Variants in SLC10A7 observed in about 807,000 individuals in gnomAD.
SLC10A7 encodes solute carrier family 10 member 7.
Under a neutral mutation model 43.2 loss-of-function variants are expected in SLC10A7, and 29 were observed. That is an observed-to-expected ratio of 0.67 (90% CI 0.50 to 0.92). SLC10A7 has a LOEUF of 0.92. Ranked by LOEUF, SLC10A7 falls within the 40% of genes least tolerant of loss-of-function variation. The pLI is 0.00. For missense variants in SLC10A7, 295 were observed against 403.2 expected (o/e 0.73, Z 2.30); for synonymous variants, 152 against 144.8 (o/e 1.05, Z -0.35).
chr4:146,448,950 C>A (rs1731343866), intron 4 of SLC10A7, among the ~76,000 whole-genome samples: 1 of 152,178 alleles, frequency 6.6e-6, no homozygotes, highest in African/African-American at 2.4e-5. Context: ...TCCTTCTCTA[C>A]AGGAGAAAGC....
At chr4:146,470,375 C>CATATATATGTACATAT (rs1560940091) in intron 4 of SLC10A7, among the ~76,000 whole-genome samples, 2 of 150,950 alleles carry the variant, frequency 1.3e-5, no homozygotes, top group African/African-American at 4.9e-5. Flanking sequence ...AATGTACATA[C>CATATATATGTACATAT]GTATATATAC....
chr4:146,323,434 T>C (rs2149704019), intron 6 of SLC10A7, among the ~76,000 whole-genome samples: 1 of 152,324 alleles, frequency 6.6e-6, no homozygotes, highest in East Asian at 1.9e-4. Flanking sequence ...CAGTTTCAGC[T>C]TTCTACATAT....
intron 4 of SLC10A7, among the ~76,000 whole-genome samples, chr4:146,481,041 C>T (rs1165430818): frequency 2.6e-5 from 4 of 152,060 alleles, no homozygotes; most frequent in Non-Finnish European, 4.4e-5. Flanking sequence ...GAGGTGACAC[C>T]GCATCCTGCC....
intron 6 of SLC10A7, among the ~76,000 whole-genome samples, chr4:146,320,325 T>C (rs191937009): frequency 1.3e-5 from 2 of 152,040 alleles, no homozygotes; most frequent in East Asian, 3.9e-4. Flanking sequence ...GTTGATGGTG[T>C]ATGTAACAAA....
intron 5 of SLC10A7, among the ~76,000 whole-genome samples, chr4:146,418,422 T>C (rs1430867318): frequency 1.3e-5 from 2 of 152,058 alleles, no homozygotes; most frequent in Admixed American, 6.6e-5. Flanking sequence ...ATACATATAA[T>C]CCAAATTAGC....
chr4:146,373,933 C>T (rs188760964), intron 5 of SLC10A7, among the ~76,000 whole-genome samples: 24 of 152,154 alleles, frequency 1.6e-4, no homozygotes, highest in Admixed American at 7.9e-4. Flanking sequence ...TGGATAAATT[C>T]GACAGATATT....
At position 146,278,445 on chromosome 4, in the gene SLC10A7, C is replaced by T. The variant is rs17021342; in HGVS notation, c.847+4747G>A. Among the ~76,000 whole-genome samples, 824 of 152,102 alleles carry T rather than the reference C, an allele frequency of 5.4e-3. 7 individuals are homozygous for T. The highest frequency in any genetic ancestry group is 0.019 in the African/African-American group (793 of 41,478). ...AAATGTTATTAAATGAGATTTTTAGCCGAAGTTGTAGGTAATTCTTTAACA... is the reference window on the plus strand; with the variant it reads ...AAATGTTATTAAATGAGATTTTTAGTCGAAGTTGTAGGTAATTCTTTAACA... On this transcript the variant is annotated intron_variant, in intron 10 of 11. Coordinates refer to ENST00000335472, the MANE Select transcript of SLC10A7 (RefSeq NM_001029998.6).
chr4:146,374,324 C>T (rs1283063685), intron 5 of SLC10A7, among the ~76,000 whole-genome samples: 18 of 152,064 alleles, frequency 1.2e-4, no homozygotes, highest in Non-Finnish European at 2.5e-4. Flanking sequence ...TGCGGTGGCT[C>T]ATGTCTGTAA....
At chr4:146,410,112 T>A (rs568498125) in intron 5 of SLC10A7, among the ~76,000 whole-genome samples, 5 of 152,234 alleles carry the variant, frequency 3.3e-5, no homozygotes, top group African/African-American at 9.6e-5. Context: ...GTTAGAAAGG[T>A]AAGGTAGTAT....
intron 7 of SLC10A7, among the ~76,000 whole-genome samples, chr4:146,297,457 T>C (rs1730860704): frequency 1.3e-5 from 2 of 152,170 alleles, no homozygotes. Flanking sequence ...GAGATAGATA[T>C]AAAGTATAAC....
intron 6 of SLC10A7, among the ~76,000 whole-genome samples, chr4:146,322,005 C>A (rs189463866): frequency 6.6e-6 from 1 of 152,230 alleles, no homozygotes; most frequent in East Asian, 1.9e-4. Flanking sequence ...CCCGTTGACT[C>A]AGAAGGGAAG....
intron 9 of SLC10A7, among the ~76,000 whole-genome samples, chr4:146,292,568 G>A (rs1049534526): frequency 2.0e-5 from 3 of 152,188 alleles, no homozygotes; most frequent in African/African-American, 7.2e-5. Flanking sequence ...GTCTTGTTAA[G>A]ACAGTCAAGT....
intron 5 of SLC10A7, among the ~76,000 whole-genome samples, chr4:146,366,943 C>T (rs535163197): frequency 6.6e-6 from 1 of 152,076 alleles, no homozygotes; most frequent in Admixed American, 6.5e-5. Flanking sequence ...GGCAAAGAAA[C>T]TTCTATTCCA....
intron 4 of SLC10A7, among the ~76,000 whole-genome samples, chr4:146,494,448 T>A (rs1735719682): frequency 6.6e-6 from 1 of 151,920 alleles, no homozygotes. Context: ...AAGATGGGGG[T>A]CATATGGCTT....
At chr4:146,278,147 T>C (rs72948700) in intron 10 of SLC10A7, among the ~76,000 whole-genome samples, 165 of 152,304 alleles carry the variant, frequency 1.1e-3, no homozygotes, top group African/African-American at 3.8e-3. Context: ...GTTTCTGAGA[T>C]ATGATCTGGG....
Position 146,420,340 on chromosome 4 carries a change from C to T in SLC10A7, c.435+22443G>A, listed in dbSNP as rs187750094. 4.0e-3 allele frequency among the ~76,000 whole-genome samples: 612 copies of T among 152,290 alleles called. 3 individuals are homozygous for T. The highest frequency in any genetic ancestry group is 0.014 in the African/African-American group (562 of 41,566). On this transcript the variant is annotated intron_variant, in intron 5 of 11. Transcript: ENST00000335472. ...ATCTTAAGATCTTTGAGTCCCCAGT[C>T]TCTTTATGTTTCTTGAATTTCCTGG... is the stretch of plus-strand genomic sequence containing the variant.
rs189250656 is a variant in SLC10A7, at chr4:146,513,147, A to C, written c.184-3098T>G. Reference sequence around the variant, plus strand: ...TGGATAGTTGGTGGAAGAGTGAAAAAAAAAAGACTTATACATATCTTTATA... The same window carrying C: ...TGGATAGTTGGTGGAAGAGTGAAAACAAAAAGACTTATACATATCTTTATA... On this transcript the variant is annotated intron_variant, in intron 2 of 11. Transcript: ENST00000335472. 2.7e-3 allele frequency among the ~76,000 whole-genome samples: 405 copies of C among 152,260 alleles called. 5 individuals are homozygous for C. Among genetic ancestry groups the C allele is most frequent in the African/African-American group, 9.5e-3 (396 of 41,574 alleles).
chr4:146,402,155 A>G (rs1207363322), intron 5 of SLC10A7, among the ~76,000 whole-genome samples: 1 of 152,200 alleles, frequency 6.6e-6, no homozygotes, highest in African/African-American at 2.4e-5. Flanking sequence ...AGGCTCTTTC[A>G]GTGGACACTG....
chr4:146,431,857 T>C (rs1218996916), intron 5 of SLC10A7, among the ~76,000 whole-genome samples: 1 of 152,112 alleles, frequency 6.6e-6, no homozygotes, highest in Admixed American at 6.5e-5. Context: ...AAAGATAAGC[T>C]ACAGACTGGA....
Sources: gnomAD v4.1 joint callset for allele counts (sites outside exome capture counted in the v4.1 genomes callset) on GRCh38, gnomAD v4.1.1 for gene constraint, MANE v1.5 for transcripts, NCBI Gene and HGNC (gene_info 2026-07-23, HGNC 2026-07-21) for gene names.